RHOBTB2: variants seen among roughly 807,000 people sequenced by gnomAD.
The protein encoded by RHOBTB2 is rho-related BTB domain-containing protein 2.
Under a neutral mutation model 66.5 loss-of-function variants are expected in RHOBTB2, and 39 were observed. The ratio of observed to expected loss-of-function variants is 0.59; its 90% CI spans 0.45 to 0.77. The LOEUF is 0.77. Ranked by LOEUF, RHOBTB2 falls within the 30% of genes least tolerant of loss-of-function variation. The pLI, the probability that RHOBTB2 is intolerant of heterozygous loss-of-function variation, is 0.00. For synonymous variants in RHOBTB2, 390 were observed against 395.0 expected, an observed-to-expected ratio of 0.99 and a Z score of 0.15; for missense variants, 755 against 999.1, an observed-to-expected ratio of 0.76 and a Z score of 3.29.
In RHOBTB2 at chr8:23,007,524, C is replaced by G. The variant is rs559501371; in HGVS notation, c.1279C>G (p.Arg427Gly). The change falls in exon 5 of 10, where the codon CGG (arginine) becomes GGG (glycine). Residue 427 changes from arginine to glycine, a missense_variant. This residue lies in a region of RHOBTB2 where 353 missense variants were observed against 458.2 expected (regional missense o/e 0.77). Transcript: ENST00000251822. ...MDSSIQPGPF[R>G]AVLKYLYTGE... is the part of the protein sequence containing the mutation. ...CAGTTCCATCCAGCCGGGGCCCTTC[C>G]GGGCTGTCCTCAAGTACCTGTACAC... The G allele has an allele frequency of 6.2e-7, 1 of 1,614,052 alleles. No homozygotes were observed. Among genetic ancestry groups the G allele is most frequent in the Non-Finnish European group, 8.5e-7 (1 of 1,180,034 alleles).
chr8:22,985,004 G>A (rs1334077556), upstream of RHOBTB2: 1 of 151,910 alleles, frequency 6.6e-6, no homozygotes, highest in Non-Finnish European at 1.5e-5. Context: ...AGAATTAGAG[G>A]CCCAGACTCA....
chr8:22,961,944 A>C, the RHOBTB2 span, among the ~76,000 whole-genome samples: 1 of 152,154 alleles, frequency 6.6e-6, no homozygotes, highest in African/African-American at 2.4e-5. Context: ...TACTATGCTG[A>C]TACATTTGAA....
chr8:22,996,321 G>A (rs1810555049), upstream of RHOBTB2, among the ~76,000 whole-genome samples: 1 of 152,098 alleles, frequency 6.6e-6, no homozygotes, highest in Non-Finnish European at 1.5e-5. Flanking sequence ...CCTCCATGCT[G>A]CCAGGAAGCC....
chr8:22,999,548 G>T lies in RHOBTB2; in HGVS notation c.-568G>T. The stretch of plus-strand genomic sequence containing the variant: ...CCACCAACTGCGCGCGGCAGTGGGC[G>T]GGGCCCGTCACGGCTGTCGTCTTGG... On this transcript the variant is annotated 5_prime_UTR_variant, in exon 1 of 10. Coordinates refer to ENST00000251822, the MANE Select transcript of RHOBTB2 (RefSeq NM_015178.3). 8.5e-7 allele frequency: 1 copy of T among 1,176,634 alleles called. No homozygotes were observed. Among genetic ancestry groups the T allele is most frequent in the Non-Finnish European group, 1.1e-6 (1 of 938,920 alleles). 72.9% of individuals were successfully genotyped at this position (1,176,634 alleles called of 1,614,324 possible).
At chr8:23,015,793 G>T in intron 9 of RHOBTB2, 50 bp downstream of exon 9, 1 of 1,289,354 alleles carries the variant, frequency 7.8e-7, no homozygotes, top group Non-Finnish European at 1.1e-6. Flanking sequence ...CCCCTTAGGG[G>T]TGCACAGCTC....
upstream of RHOBTB2, among the ~76,000 whole-genome samples, chr8:22,996,270 C>A (rs1485178098): frequency 1.3e-5 from 2 of 152,032 alleles, no homozygotes; most frequent in East Asian, 3.9e-4. Context: ...GGAAGAGATG[C>A]TGGGGTTGGG....
the RHOBTB2 span, among the ~76,000 whole-genome samples, chr8:22,963,138 G>A: frequency 6.6e-6 from 1 of 152,200 alleles, no homozygotes; most frequent in African/African-American, 2.4e-5. Context: ...AGGACATGAT[G>A]CCAGGACAAG....
At chr8:22,964,116 TTTTG>T in the RHOBTB2 span, among the ~76,000 whole-genome samples, 11 of 151,980 alleles carry the variant, frequency 7.2e-5, no homozygotes, top group African/African-American at 2.4e-4. Context: ...TGTTTTGTTT[TTTTG>T]TTTGTTTGTT....
the RHOBTB2 span, among the ~76,000 whole-genome samples, chr8:22,951,972 C>T: frequency 1.1e-4 from 16 of 152,288 alleles, no homozygotes; most frequent in African/African-American, 3.6e-4. Context: ...CCGCCTGCCT[C>T]GGCCTCCCAA....
the RHOBTB2 span, among the ~76,000 whole-genome samples, chr8:22,972,717 T>C: frequency 4.6e-5 from 7 of 152,242 alleles, no homozygotes; most frequent in African/African-American, 1.4e-4. Context: ...TCAGACTCAG[T>C]AGATCTGAAG....
chr8:22,953,108 C>T, the RHOBTB2 span, among the ~76,000 whole-genome samples: 1 of 152,112 alleles, frequency 6.6e-6, no homozygotes, highest in African/African-American at 2.4e-5. Context: ...CCTGCCAGCA[C>T]TTAGGAGGAA....
At chr8:23,013,802 T>C (rs1417283700) in intron 7 of RHOBTB2, among the ~76,000 whole-genome samples, 1 of 152,232 alleles carries the variant, frequency 6.6e-6, no homozygotes, top group East Asian at 1.9e-4. Flanking sequence ...GGCCAGTTGT[T>C]TGTTTTTGAA....
the RHOBTB2 span, among the ~76,000 whole-genome samples, chr8:22,967,924 A>C: frequency 1.3e-5 from 2 of 152,164 alleles, no homozygotes; most frequent in African/African-American, 4.8e-5. Flanking sequence ...TGGGAGGCTG[A>C]GGCAGGAGAA....
At chr8:22,985,999 G>C (rs1245654597), upstream of RHOBTB2, among the ~76,000 whole-genome samples, 2 of 152,160 alleles carry the variant, frequency 1.3e-5, no homozygotes, top group South Asian at 2.1e-4. Flanking sequence ...AAGCTGGAAG[G>C]GGGAAGCAGG....
the RHOBTB2 span, among the ~76,000 whole-genome samples, chr8:22,979,760 G>T: frequency 0.93 from 94,815 of 101,790 alleles, 43,935 homozygotes; most frequent in African/African-American, 0.97. Flanking sequence ...TTTTTTTTTG[G>T]GACAGAGTGA....
upstream of RHOBTB2, chr8:22,995,905 A>G (rs1433225989): frequency 3.9e-6 from 6 of 1,550,268 alleles, no homozygotes; most frequent in Non-Finnish European, 5.2e-6. Context: ...CAAAGTGTTG[A>G]AGGGTAAAGC....
At chr8:22,969,979 T>C in the RHOBTB2 span, among the ~76,000 whole-genome samples, 1 of 152,144 alleles carries the variant, frequency 6.6e-6, no homozygotes, top group Non-Finnish European at 1.5e-5. Flanking sequence ...CTTGAACACC[T>C]AGACTTAAGT....
At chr8:23,014,884 G>A in intron 8 of RHOBTB2, 106 bp downstream of exon 8, 2 of 881,846 alleles carry the variant, frequency 2.3e-6, no homozygotes, top group Admixed American at 2.0e-5. Flanking sequence ...GGGAGAACCT[G>A]TCATCGGACT....
At chr8:22,992,393 G>A (rs1810447893) in intron 2 of RHOBTB2, among the ~76,000 whole-genome samples, 1 of 152,160 alleles carries the variant, frequency 6.6e-6, no homozygotes, top group Admixed American at 6.5e-5. Context: ...ATTTTGGGGT[G>A]ATCAGCCTCC....
Sources: gnomAD v4.1 joint callset for allele counts (sites outside exome capture counted in the v4.1 genomes callset) on GRCh38, gnomAD v4.1.1 for gene constraint, gnomAD v4.1.1 regional missense constraint, MANE v1.5 for transcripts, NCBI Gene and HGNC (gene_info 2026-07-23, HGNC 2026-07-21) for gene names.